The following ALKBH5 variants were observed in gnomAD, a reference collection of about 807,000 sequenced individuals.
ALKBH5 encodes the protein RNA demethylase ALKBH5.
ALKBH5 carries 2 observed loss-of-function variants against 32.1 expected under a neutral mutation model. The observed-to-expected ratio is 0.06, with a 90% CI of 0.03 to 0.20. The LOEUF (loss-of-function observed/expected upper bound fraction) is 0.20. ALKBH5 is among the 10% of genes least tolerant of loss of function. ALKBH5 has a pLI of 1.00. For synonymous variants in ALKBH5, 300 were observed against 231.7 expected (o/e 1.29, Z -2.68); for missense variants, 352 against 559.5 (o/e 0.63, Z 3.74).
At chr17:18,189,314 G>A (rs765688116) in intron 1 of ALKBH5, among the ~76,000 whole-genome samples, 4 of 152,114 alleles carry the variant, frequency 2.6e-5, no homozygotes, top group Non-Finnish European at 5.9e-5. Flanking sequence ...CCCGGGAGGC[G>A]GAGCTTGCAG....
In ALKBH5 at chr17:18,183,959, C is replaced by T. The variant is rs1014314511; in HGVS notation, c.-285C>T. 6 of 614,164 alleles carry T rather than the reference C, an allele frequency of 9.8e-6. No homozygotes were observed. The highest frequency in any genetic ancestry group is 7.6e-5 in the African/African-American group (4 of 52,404). The allele number at this position is 614,164 out of a possible 1,614,324, so 38.0% of individuals were successfully genotyped here. The stretch of plus-strand genomic sequence containing the variant: ...CGGGAGTCGGGCCGCGTCTCCGCAG[C>T]AGCCCTCCGCGGCATGAGGCGCTGC... On this transcript the variant is annotated 5_prime_UTR_variant, in exon 1 of 4. Transcript: ENST00000399138.
chr17:18,191,225 C>G (rs954576995), intron 1 of ALKBH5, among the ~76,000 whole-genome samples: 12 of 152,190 alleles, frequency 7.9e-5, no homozygotes, highest in African/African-American at 2.9e-4. Flanking sequence ...GAGAGCTTCC[C>G]TTAATCAGGA....
intron 1 of ALKBH5, 146 bp from the exon 2 acceptor site, chr17:18,194,809 C>T: frequency 1.6e-6 from 1 of 613,032 alleles, no homozygotes; most frequent in Non-Finnish European, 2.8e-6. Context: ...ATATGATATT[C>T]CCTTCCATGT....
chr17:18,184,692 C>T lies in ALKBH5; in HGVS notation c.449C>T (p.Pro150Leu). ...TYGAQLQKRG[P>L]GQERLYPPGD... is the part of the protein sequence containing the mutation. ...GGCGCCCAGCTGCAGAAGCGCGGGC[C>T]CGGCCAGGAGCGCCTCTACCCGCCG... is the stretch of plus-strand genomic sequence containing the variant. The change falls in exon 1 of 4, where the codon CCC becomes CTC. Residue 150 changes from proline (P) to leucine (L), a missense_variant. Coordinates refer to ENST00000399138, the MANE Select transcript of ALKBH5 (RefSeq NM_017758.4). 1.2e-6 allele frequency: 2 copies of T among 1,612,746 alleles called. No individual in the cohort carries two copies. The highest frequency in any genetic ancestry group is 1.7e-6 in the Non-Finnish European group (2 of 1,179,604).
chr17:18,186,881 C>T (rs980196495), intron 1 of ALKBH5, among the ~76,000 whole-genome samples: 1 of 152,074 alleles, frequency 6.6e-6, no homozygotes, highest in African/African-American at 2.4e-5. Context: ...AGCTGGCTTT[C>T]CCATCTGTAA....
At chr17:18,199,642 C>T (rs1329962208) in intron 2 of ALKBH5, among the ~76,000 whole-genome samples, 1 of 152,160 alleles carries the variant, frequency 6.6e-6, no homozygotes, top group Admixed American at 6.5e-5. Context: ...AGGGAAACAT[C>T]AAGTATCTAC....
chr17:18,194,154 G>GA (rs2047192996), intron 1 of ALKBH5, among the ~76,000 whole-genome samples: 1 of 141,538 alleles, frequency 7.1e-6, no homozygotes, highest in African/African-American at 2.6e-5. Context: ...TGGGCGGGGG[G>GA]CAGGGGGTGG....
At chr17:18,196,635 A>G (rs916191349) in intron 2 of ALKBH5, among the ~76,000 whole-genome samples, 7 of 152,228 alleles carry the variant, frequency 4.6e-5, no homozygotes, top group Admixed American at 2.0e-4. Context: ...ATAACCAAGA[A>G]TATATACTAT....
At chr17:18,189,475 A>G (rs1011226904) in intron 1 of ALKBH5, among the ~76,000 whole-genome samples, 4 of 152,210 alleles carry the variant, frequency 2.6e-5, no homozygotes, top group Non-Finnish European at 5.9e-5. Flanking sequence ...TGGGGGATAT[A>G]GGTTCATCTC....
intron 1 of ALKBH5, among the ~76,000 whole-genome samples, chr17:18,187,479 C>A (rs546833850): frequency 6.6e-6 from 1 of 152,148 alleles, no homozygotes; most frequent in African/African-American, 2.4e-5. Flanking sequence ...GTAGACTGTT[C>A]AGCAGCATTC....
At chr17:18,206,473 G>GC in intron 2 of ALKBH5, 1 of 200,024 alleles carries the variant, frequency 5.0e-6, no homozygotes, top group South Asian at 1.2e-4. Flanking sequence ...GAAGTAGATG[G>GC]CCCCAGAGAA....
chr17:18,209,219 G>C lies in ALKBH5; in HGVS notation c.*823G>C, dbSNP rs539494051. The C allele has an allele frequency of 6.5e-6, 1 of 152,714 alleles. No individual in the cohort carries two copies. The highest frequency in any genetic ancestry group is 1.5e-5 in the Non-Finnish European group (1 of 68,066). 9.5% of individuals were successfully genotyped at this position (152,714 alleles called of 1,614,324 possible). On this transcript the variant is annotated 3_prime_UTR_variant, in exon 4 of 4. Coordinates refer to ENST00000399138, the MANE Select transcript of ALKBH5 (RefSeq NM_017758.4). ...GGGTCAGTTTTAGAAATTGTTTCTAGCTAGAGGGACTGGTGTCCTTCCAAG... is the reference window on the plus strand; with the variant it reads ...GGGTCAGTTTTAGAAATTGTTTCTACCTAGAGGGACTGGTGTCCTTCCAAG...
chr17:18,198,097 A>T (rs920315112), intron 2 of ALKBH5, among the ~76,000 whole-genome samples: 1 of 152,194 alleles, frequency 6.6e-6, no homozygotes, highest in Non-Finnish European at 1.5e-5. Flanking sequence ...CCAACTCCTC[A>T]GATAACCTAG....
chr17:18,184,114 C>T lies in ALKBH5; in HGVS notation c.-130C>T, dbSNP rs2047119507. On this transcript the variant is annotated 5_prime_UTR_variant, in exon 1 of 4. Coordinates refer to ENST00000399138, the MANE Select transcript of ALKBH5 (RefSeq NM_017758.4). ...GACCCTCGACGCCCCCCGCCGGGTCCCCCACTCACGCATGGGGGTTCGGCG... is the reference window on the plus strand; with the variant it reads ...GACCCTCGACGCCCCCCGCCGGGTCTCCCACTCACGCATGGGGGTTCGGCG... 3.5e-6 allele frequency: 3 copies of T among 848,222 alleles called. No homozygotes were observed. Among genetic ancestry groups the T allele is most frequent in the Admixed American group, 4.4e-5 (2 of 45,190 alleles). 52.5% of individuals were successfully genotyped at this position (848,222 alleles called of 1,614,324 possible).
At chr17:18,194,800 TATG>T (rs1255814712) in intron 1 of ALKBH5, among the ~76,000 whole-genome samples, 152 bp from the exon 2 acceptor site, 15 of 152,340 alleles carry the variant, frequency 9.8e-5, no homozygotes, top group Admixed American at 8.5e-4. Flanking sequence ...TGGAACTTAA[TATG>T]ATATTCCCTT....
chr17:18,207,568 C>T (rs996690809), intron 3 of ALKBH5, among the ~76,000 whole-genome samples: 1 of 151,648 alleles, frequency 6.6e-6, no homozygotes, highest in African/African-American at 2.4e-5. Flanking sequence ...GAGGCTGAGG[C>T]AGGAGAATGG....
intron 2 of ALKBH5, among the ~76,000 whole-genome samples, chr17:18,197,544 G>A (rs16960980): frequency 0.21 from 32,134 of 152,156 alleles, 3,709 homozygotes; most frequent in Middle Eastern, 0.31. Context: ...CTTATTTTGG[G>A]GAAATCTTAG....
At position 18,184,356 on chromosome 17, in the gene ALKBH5, T is replaced by TAGCCGCCGCAGCCGCAGCCGCCGC; in HGVS notation, c.114_137dup (p.Ala41_Ala48dup). The TAGCCGCCGCAGCCGCAGCCGCCGC allele has an allele frequency of 1.3e-6, 2 of 1,517,916 alleles. No individual in the cohort carries two copies. Among genetic ancestry groups the TAGCCGCCGCAGCCGCAGCCGCCGC allele is most frequent in the South Asian group, 1.2e-5 (1 of 80,514 alleles). The allele number at this position is 1,517,916 out of a possible 1,614,324, so 94.0% of individuals were successfully genotyped here. A position where few individuals can be genotyped will look rare whatever the true frequency, so the allele number is the denominator to read the frequency against. Reference sequence around the variant, plus strand: ...GCCGCCGCCGCTGCCGCAGCCGCCGTAGCCGCCGCAGCCGCAGCCGCCGCT... The same window carrying TAGCCGCCGCAGCCGCAGCCGCCGC: ...GCCGCCGCCGCTGCCGCAGCCGCCGTAGCCGCCGCAGCCGCAGCCGCCGCAGCCGCCGCAGCCGCAGCCGCCGCT... On this transcript the variant is annotated inframe_insertion, in exon 1 of 4. Transcript: ENST00000399138.
chr17:18,208,991 GCCCC>G lies in ALKBH5; in HGVS notation c.*596_*599del. The G allele has an allele frequency of 5.8e-6, 1 of 173,676 alleles. No homozygotes were observed. Among genetic ancestry groups the G allele is most frequent in the South Asian group, 1.3e-4 (1 of 7,992 alleles). 10.8% of individuals were successfully genotyped at this position (173,676 alleles called of 1,614,324 possible). A position where few individuals can be genotyped will look rare whatever the true frequency, so the allele number is the denominator to read the frequency against. ...CTGGGCAGGGGCTTAAACAGTGCCA[GCCCC>G]TGCCATCCCAAAGCTATTGTTAAGC... On this transcript the variant is annotated 3_prime_UTR_variant, in exon 4 of 4. Coordinates refer to ENST00000399138, the MANE Select transcript of ALKBH5 (RefSeq NM_017758.4).
Sources: gnomAD v4.1 joint callset for allele counts (sites outside exome capture counted in the v4.1 genomes callset) on GRCh38, gnomAD v4.1.1 for gene constraint, MANE v1.5 for transcripts, NCBI Gene and HGNC (gene_info 2026-07-23, HGNC 2026-07-21) for gene names.